Variants in CLDN10 observed in about 807,000 individuals in gnomAD.
CLDN10 encodes the protein claudin 10.
CLDN10 carries 15 observed loss-of-function variants against 22.9 expected under a neutral mutation model. That is an observed-to-expected ratio of 0.65 (90% CI 0.44 to 1.01). The LOEUF is 1.01. CLDN10 is among the 50% of genes least tolerant of loss of function. CLDN10 has a pLI of 0.00. For synonymous variants in CLDN10, 114 were observed against 111.4 expected, an observed-to-expected ratio of 1.02 and a Z score of -0.15; for missense variants, 247 against 287.8, an observed-to-expected ratio of 0.86 and a Z score of 1.03.
At chr13:95,549,777 A>G (rs1353652634), upstream of CLDN10, among the ~76,000 whole-genome samples, 2 of 152,242 alleles carry the variant, frequency 1.3e-5, no homozygotes, top group African/African-American at 4.8e-5. Flanking sequence ...GTCCACAGGC[A>G]TGACGACCCT....
At chr13:95,478,898 C>T (rs2042711574) in intron 1 of CLDN10, among the ~76,000 whole-genome samples, 1 of 152,244 alleles carries the variant, frequency 6.6e-6, no homozygotes, top group Non-Finnish European at 1.5e-5. Context: ...TTATAGGTCA[C>T]TGGCCAAGCA....
At chr13:95,555,268 G>A (rs578149985) in intron 1 of CLDN10, among the ~76,000 whole-genome samples, 22 of 152,208 alleles carry the variant, frequency 1.4e-4, no homozygotes, top group African/African-American at 2.9e-4. Context: ...GGCTGATCGC[G>A]AACTCCTGAA....
chr13:95,520,943 C>T lies in CLDN10; in HGVS notation c.215-39189C>T, dbSNP rs550043576. 7.3e-5 allele frequency among the ~76,000 whole-genome samples: 11 copies of T among 150,364 alleles called. 1 individual carries two copies. The highest frequency in any genetic ancestry group is 6.0e-4 in the Admixed American group (9 of 15,094). ...TCACACCAATGCACTCCAGCCTGGGCGACAGAGCGAGACTCCTCAAAAAAA... is the reference window on the plus strand; with the variant it reads ...TCACACCAATGCACTCCAGCCTGGGTGACAGAGCGAGACTCCTCAAAAAAA... On this transcript the variant is annotated intron_variant, in intron 1 of 4. Coordinates refer to the CLDN10 transcript ENST00000376873.
chr13:95,474,897 G>T (rs1275836038), intron 1 of CLDN10, among the ~76,000 whole-genome samples: 1 of 152,176 alleles, frequency 6.6e-6, no homozygotes, highest in African/African-American at 2.4e-5. Flanking sequence ...GGTGCCAGAG[G>T]GAGGCTTGAG....
At chr13:95,446,737 G>C (rs1480235456) in intron 1 of CLDN10, among the ~76,000 whole-genome samples, 2 of 152,126 alleles carry the variant, frequency 1.3e-5, no homozygotes, top group African/African-American at 4.8e-5. Context: ...AGCTATTTGG[G>C]AGGCTGAGGC....
chr13:95,496,690 C>A (rs1335061362), intron 1 of CLDN10, among the ~76,000 whole-genome samples: 3 of 152,210 alleles, frequency 2.0e-5, no homozygotes, highest in Non-Finnish European at 4.4e-5. Flanking sequence ...GTCTCTTCCT[C>A]TTCTTGTAAG....
At chr13:95,489,385 C>T (rs1246271499) in intron 1 of CLDN10, among the ~76,000 whole-genome samples, 1 of 152,168 alleles carries the variant, frequency 6.6e-6, no homozygotes, top group Middle Eastern at 3.4e-3. Flanking sequence ...CCAACGTCTA[C>T]TGGTTTTTTT....
intron 1 of CLDN10, among the ~76,000 whole-genome samples, chr13:95,449,717 C>T (rs1349350753): frequency 6.6e-6 from 1 of 151,236 alleles, no homozygotes; most frequent in East Asian, 1.9e-4. Flanking sequence ...AGGTGCACAC[C>T]ACCATGCTAG....
chr13:95,549,666 T>TA (rs1156548438), upstream of CLDN10, among the ~76,000 whole-genome samples: 1 of 152,212 alleles, frequency 6.6e-6, no homozygotes, highest in Non-Finnish European at 1.5e-5. Context: ...GCCTCCAACA[T>TA]ACAGCTTTCC....
Position 95,439,080 on chromosome 13 carries a change from C to T in CLDN10, c.214+5033C>T, listed in dbSNP as rs986967266. Among the ~76,000 whole-genome samples, 11 of 151,576 alleles carry T rather than the reference C, an allele frequency of 7.3e-5. No individual in the cohort carries two copies. In the East Asian group the frequency reaches 2.1e-3, roughly 29 times the overall value. On this transcript the variant is annotated intron_variant, in intron 1 of 4. Coordinates refer to the CLDN10 transcript ENST00000376873. ...TTCACATCTAGGGAACAGCTGGGAG[C>T]CATCTGATGTCATCAATTTAGACTT...
chr13:95,538,777 C>A (rs1217541004), intron 1 of CLDN10, among the ~76,000 whole-genome samples: 1 of 152,190 alleles, frequency 6.6e-6, no homozygotes, highest in Admixed American at 6.5e-5. Context: ...CTGCTGTACC[C>A]GCTTATGGCA....
chr13:95,544,858 C>T (rs1566328288), intron 1 of CLDN10, among the ~76,000 whole-genome samples: 1 of 151,754 alleles, frequency 6.6e-6, no homozygotes, highest in Non-Finnish European at 1.5e-5. Context: ...CTCACTGCAA[C>T]CTCCATCTCC....
At chr13:95,490,712 A>G (rs1451624060) in intron 1 of CLDN10, among the ~76,000 whole-genome samples, 2 of 152,172 alleles carry the variant, frequency 1.3e-5, no homozygotes, top group African/African-American at 2.4e-5. Context: ...AGAAAGTTCC[A>G]TGCTCTGTTG....
chr13:95,493,455 GTAAC>G (rs1296444211), intron 1 of CLDN10, among the ~76,000 whole-genome samples: 1 of 151,762 alleles, frequency 6.6e-6, no homozygotes, highest in Non-Finnish European at 1.5e-5. Flanking sequence ...CCATTAGATG[GTAAC>G]TCCCCACTTC....
chr13:95,545,877 C>T (rs1044425901), intron 1 of CLDN10, among the ~76,000 whole-genome samples: 3 of 152,124 alleles, frequency 2.0e-5, no homozygotes, highest in Non-Finnish European at 4.4e-5. Context: ...GGGCTAGCTC[C>T]GTTTGGCTGA....
intron 1 of CLDN10, among the ~76,000 whole-genome samples, chr13:95,558,448 G>A (rs11842014): frequency 0.32 from 49,118 of 152,124 alleles, 8,290 homozygotes; most frequent in African/African-American, 0.37. Context: ...GATAGCCACG[G>A]TGTTAGTGAA....
chr13:95,552,657 C>A, upstream of CLDN10: 1 of 1,371,468 alleles, frequency 7.3e-7, no homozygotes, highest in Non-Finnish European at 9.5e-7. Flanking sequence ...GGACGGTGGG[C>A]GGAGGCGGAG....
At chr13:95,506,227 G>C (rs936463508) in intron 1 of CLDN10, among the ~76,000 whole-genome samples, 2 of 152,014 alleles carry the variant, frequency 1.3e-5, no homozygotes, top group African/African-American at 4.8e-5. Context: ...CTGTCTACAC[G>C]AGAGCCCTGC....
At chr13:95,561,972 C>T (rs2043719751) in intron 3 of CLDN10, among the ~76,000 whole-genome samples, 1 of 151,322 alleles carries the variant, frequency 6.6e-6, no homozygotes, top group Non-Finnish European at 1.5e-5. Flanking sequence ...TCTTGTTGCC[C>T]AAGCTGGAGT....
Sources: allele counts gnomAD v4.1 joint callset (sites outside exome capture counted in the v4.1 genomes callset), GRCh38; gene constraint gnomAD v4.1.1; transcripts MANE v1.5; gene names NCBI Gene and HGNC (gene_info 2026-07-23, HGNC 2026-07-21).